Variants in SEMA3C observed in about 807,000 individuals in gnomAD.
SEMA3C encodes the protein semaphorin 3C.
In SEMA3C, 47 loss-of-function variants were observed where a neutral mutation model predicts 89.4. The ratio of observed to expected loss-of-function variants is 0.53; its 90% CI spans 0.42 to 0.67. The LOEUF (loss-of-function observed/expected upper bound fraction) is 0.67. Ranked by LOEUF, SEMA3C falls within the 30% of genes least tolerant of loss-of-function variation. SEMA3C has a pLI of 0.00. For missense variants in SEMA3C, 839 were observed against 929.1 expected, an observed-to-expected ratio of 0.90 and a Z score of 1.26; for synonymous variants, 310 against 320.2, an observed-to-expected ratio of 0.97 and a Z score of 0.34.
chr7:80,756,459 A>G (rs1244289337), intron 15 of SEMA3C, among the ~76,000 whole-genome samples: 2 of 152,068 alleles, frequency 1.3e-5, no homozygotes, highest in Admixed American at 6.6e-5. Flanking sequence ...TTCCTACCCC[A>G]GGGCTTCAAT....
At chr7:80,819,297 G>A (rs1026766708) in intron 4 of SEMA3C, among the ~76,000 whole-genome samples, 1 of 151,288 alleles carries the variant, frequency 6.6e-6, no homozygotes, top group Non-Finnish European at 1.5e-5. Context: ...TAAGTAAAAT[G>A]CTATATTTCA....
chr7:80,745,571 A>C (rs1006055925), intron 17 of SEMA3C, among the ~76,000 whole-genome samples: 3 of 152,034 alleles, frequency 2.0e-5, no homozygotes, highest in Non-Finnish European at 4.4e-5. Flanking sequence ...AATAGCTTAA[A>C]GTGCTTTCCC....
intron 16 of SEMA3C, among the ~76,000 whole-genome samples, chr7:80,750,473 T>TATATATATACGCACACAC (rs869227686): frequency 1.8e-5 from 1 of 55,436 alleles, no homozygotes; most frequent in Non-Finnish European, 3.5e-5. Context: ...TATATATATA[T>TATATATATACGCACACAC]ACACACACAC....
intron 2 of SEMA3C, among the ~76,000 whole-genome samples, chr7:80,870,815 C>G (rs759234806): frequency 3.0e-4 from 45 of 152,162 alleles, no homozygotes; most frequent in Non-Finnish European, 6.5e-4. Flanking sequence ...AAGAAAGTCT[C>G]TCTAGAGGTA....
At chr7:80,873,988 T>G (rs1449755961) in intron 2 of SEMA3C, among the ~76,000 whole-genome samples, 1 of 152,174 alleles carries the variant, frequency 6.6e-6, no homozygotes, top group Non-Finnish European at 1.5e-5. Flanking sequence ...TTACCTTCTC[T>G]TCTTTCAAGA....
At chr7:80,780,874 A>T (rs553983251) in intron 12 of SEMA3C, among the ~76,000 whole-genome samples, 1 of 152,228 alleles carries the variant, frequency 6.6e-6, no homozygotes, top group South Asian at 2.1e-4. Flanking sequence ...ACAAAGCAAG[A>T]CCCTGTCTCA....
chr7:80,749,574 G>A (rs1205111853), intron 16 of SEMA3C, among the ~76,000 whole-genome samples: 4 of 152,216 alleles, frequency 2.6e-5, no homozygotes, highest in African/African-American at 9.6e-5. Context: ...TCAGAGGAAC[G>A]TAGGGCAAAA....
intron 1 of SEMA3C, among the ~76,000 whole-genome samples, chr7:80,917,438 G>A (rs971579464): frequency 1.3e-5 from 2 of 152,170 alleles, no homozygotes; most frequent in African/African-American, 4.8e-5. Flanking sequence ...AAGTAACCAT[G>A]GACTAGTGCC....
chr7:80,767,363 T>G (rs561226133), intron 12 of SEMA3C, among the ~76,000 whole-genome samples: 5 of 152,268 alleles, frequency 3.3e-5, no homozygotes, highest in African/African-American at 1.2e-4. Context: ...CAATTACAGA[T>G]AGCCAAAAAT....
intron 2 of SEMA3C, among the ~76,000 whole-genome samples, chr7:80,881,712 A>C (rs771995065): frequency 1.8e-4 from 27 of 152,314 alleles, no homozygotes; most frequent in Admixed American, 3.9e-4. Flanking sequence ...GAGTTGAAGT[A>C]AGGTTAGAGA....
intron 1 of SEMA3C, among the ~76,000 whole-genome samples, chr7:80,917,559 A>G (rs1277067861): frequency 6.6e-6 from 1 of 152,210 alleles, no homozygotes; most frequent in Non-Finnish European, 1.5e-5. Flanking sequence ...CCAAAGATAA[A>G]TCAAAGAGAC....
intron 4 of SEMA3C, among the ~76,000 whole-genome samples, chr7:80,824,032 ACTAC>A (rs1789815266): frequency 6.6e-6 from 1 of 152,180 alleles, no homozygotes; most frequent in Non-Finnish European, 1.5e-5. Flanking sequence ...ATGCTGTATT[ACTAC>A]CTAAGACCAA....
chr7:80,821,221 T>C (rs1400718225), intron 4 of SEMA3C, among the ~76,000 whole-genome samples: 1 of 152,228 alleles, frequency 6.6e-6, no homozygotes, highest in African/African-American at 2.4e-5. Flanking sequence ...ACTTAGGCAC[T>C]TTACACATAT....
intron 6 of SEMA3C, among the ~76,000 whole-genome samples, chr7:80,808,431 C>T (rs1357870599): frequency 1.3e-5 from 2 of 152,272 alleles, no homozygotes; most frequent in South Asian, 4.1e-4. Context: ...ACATGCCTTG[C>T]ATAGGTCATA....
chr7:80,758,222 T>C, intron 15 of SEMA3C, 109 bp downstream of exon 15: 1 of 1,222,472 alleles, frequency 8.2e-7, no homozygotes, highest in Non-Finnish European at 1.1e-6. Flanking sequence ...GCTTCTACCT[T>C]TAATGTCATT....
chr7:80,857,410 A>G (rs7793839), intron 2 of SEMA3C, among the ~76,000 whole-genome samples: 19,156 of 152,162 alleles, frequency 0.13, 2,027 homozygotes, highest in African/African-American at 0.29. Context: ...AAGAAATTAC[A>G]AAAACGAGAA....
chr7:80,905,924 A>T (rs1438360495), intron 2 of SEMA3C: 3 of 1,281,718 alleles, frequency 2.3e-6, no homozygotes, highest in Non-Finnish European at 3.1e-6. Context: ...GCTCTGGAAA[A>T]GAGTCATGGA....
chr7:80,856,059 T>G (rs1343159781), intron 2 of SEMA3C, among the ~76,000 whole-genome samples: 2 of 152,140 alleles, frequency 1.3e-5, no homozygotes, highest in African/African-American at 4.8e-5. Context: ...TAATAGTATT[T>G]CACACATTAG....
chr7:80,884,450 A>AT lies in SEMA3C; in HGVS notation c.103+32228dup, dbSNP rs199874857. Reference sequence around the variant, plus strand: ...ATTAGATACTCTGTAAATATATCCGATTTTTTTAAAAGACTCCTATGATTC... The same window carrying AT: ...ATTAGATACTCTGTAAATATATCCGATTTTTTTTAAAAGACTCCTATGATTC... On this transcript the variant is annotated intron_variant, in intron 2 of 17. Coordinates refer to ENST00000265361, the MANE Select transcript of SEMA3C (RefSeq NM_006379.5). Among the ~76,000 whole-genome samples the AT allele has an allele frequency of 4.9e-3, 748 of 152,260 alleles. 4 individuals are homozygous for AT. The highest frequency in any genetic ancestry group is 0.023 in the East Asian group (119 of 5,182).
Sources: gnomAD v4.1 joint callset for allele counts (sites outside exome capture counted in the v4.1 genomes callset) on GRCh38, gnomAD v4.1.1 for gene constraint, MANE v1.5 for transcripts, NCBI Gene and HGNC (gene_info 2026-07-23, HGNC 2026-07-21) for gene names.